MAG: variants seen among roughly 807,000 people sequenced by gnomAD.
The protein encoded by MAG is myelin-associated glycoprotein.
In MAG, 30 loss-of-function variants were observed where a neutral mutation model predicts 60.7. The observed-to-expected ratio is 0.49, with a 90% CI of 0.37 to 0.67. The LOEUF (loss-of-function observed/expected upper bound fraction) is 0.67, where lower values mean the gene tolerates loss of function less well. MAG is among the 30% of genes least tolerant of loss of function. MAG has a pLI of 0.00. For missense variants in MAG, 795 were observed against 851.7 expected, an observed-to-expected ratio of 0.93 and a Z score of 0.83; for synonymous variants, 384 against 376.8, an observed-to-expected ratio of 1.02 and a Z score of -0.22.
At chr19:35,309,832 G>T in intron 7 of MAG, 42 bp from the exon 8 acceptor site, 1 of 1,583,856 alleles carries the variant, frequency 6.3e-7, no homozygotes, top group Non-Finnish European at 8.6e-7. Flanking sequence ...CGGGCCTCGC[G>T]TTGGCTCCGG....
intron 7 of MAG, among the ~76,000 whole-genome samples, chr19:35,306,337 T>C (rs2066485607): frequency 6.6e-6 from 1 of 152,118 alleles, no homozygotes; most frequent in African/African-American, 2.4e-5. Flanking sequence ...ATATTTGTTG[T>C]GTGTTTTGCT....
At position 35,309,945 on chromosome 19, in the gene MAG, A is replaced by T; in HGVS notation, c.1303A>T (p.Lys435Ter). 1 of 1,613,972 alleles carries T rather than the reference A, an allele frequency of 6.2e-7. No homozygotes were observed. The highest frequency in any genetic ancestry group is 8.5e-7 in the Non-Finnish European group (1 of 1,179,942). ...CACGGTGCAGTGCCTGTGCGTGGTG[A>T]AGTCCAACCCGGAGCCGTCCGTGGC... ...RDTVQCLCVVKSNPEPSVAFE... is the reference protein window; with the variant it reads ...RDTVQCLCVV The change falls in exon 8 of 11, where the codon AAG becomes TAG. Residue 435 changes from lysine (K) to a stop codon, truncating the protein, a stop_gained. Coordinates refer to ENST00000392213, the MANE Select transcript of MAG (RefSeq NM_002361.4). LOFTEE classifies it high-confidence loss of function.
Position 35,293,042 on chromosome 19 carries a change from G to A in MAG, c.-80+838G>A, listed in dbSNP as rs1477766846. Among the ~76,000 whole-genome samples the A allele has an allele frequency of 1.3e-5, 2 of 152,086 alleles. No individual in the cohort carries two copies. Among genetic ancestry groups the A allele is most frequent in the African/African-American group, 2.4e-5 (1 of 41,404 alleles). Reference sequence around the variant, plus strand: ...CTGAGGTTGATTTGGCCCCCATCCCGAGAACTTGTTTTCCCCGCTGTTAAG... The same window carrying A: ...CTGAGGTTGATTTGGCCCCCATCCCAAGAACTTGTTTTCCCCGCTGTTAAG... On this transcript the variant is annotated intron_variant, in intron 1 of 10. Coordinates refer to ENST00000392213, the MANE Select transcript of MAG (RefSeq NM_002361.4). This position sits in a 1 kb window ranked among gnomAD's most constrained non-coding sequence, Gnocchi z 4.0.
chr19:35,307,956 A>G (rs1241796191), intron 7 of MAG, among the ~76,000 whole-genome samples: 1 of 151,998 alleles, frequency 6.6e-6, no homozygotes, highest in East Asian at 1.9e-4. Context: ...GCCAGAAAGG[A>G]GGGGATAGTC....
intron 7 of MAG, 58 bp from the exon 8 acceptor site, chr19:35,309,816 C>T (rs982961612): frequency 6.2e-5 from 97 of 1,566,384 alleles, no homozygotes; most frequent in Non-Finnish European, 8.0e-5. Context: ...AAGGAGTCTC[C>T]GGGGCCGGGC....
At chr19:35,312,149 G>C in intron 10 of MAG, 132 bp downstream of exon 10, 1 of 1,254,466 alleles carries the variant, frequency 8.0e-7, no homozygotes. Flanking sequence ...GGACATTCCA[G>C]GGCTGGGTTG....
At chr19:35,312,085 C>T in intron 10 of MAG, 68 bp downstream of exon 10, 4 of 1,473,008 alleles carry the variant, frequency 2.7e-6, no homozygotes, top group Non-Finnish European at 3.8e-6. Flanking sequence ...TGGGAAAGGC[C>T]TGTGAGGCCA....
chr19:35,296,422 C>T (rs2066398550), intron 4 of MAG, among the ~76,000 whole-genome samples: 1 of 152,202 alleles, frequency 6.6e-6, no homozygotes, highest in East Asian at 1.9e-4. Context: ...TGGCACGTGG[C>T]CCCCAGCTCT....
In MAG at chr19:35,302,716, C is replaced by T; in HGVS notation, c.1231+8C>T. On this transcript the variant is annotated splice_region_variant and intron_variant, in intron 7 of 10. Transcript: ENST00000392213. ...TCAACCTGTCTGTGGAGTGTGAGTACCTTCCGCTCCCCTATGCTGGGGATG... is the reference window on the plus strand; with the variant it reads ...TCAACCTGTCTGTGGAGTGTGAGTATCTTCCGCTCCCCTATGCTGGGGATG... 1 of 1,611,614 alleles carries T rather than the reference C, an allele frequency of 6.2e-7. No individual in the cohort carries two copies.
intron 7 of MAG, among the ~76,000 whole-genome samples, chr19:35,309,603 C>T (rs1318967228): frequency 1.3e-5 from 2 of 152,148 alleles, no homozygotes; most frequent in African/African-American, 4.8e-5. Flanking sequence ...TGAGCAACAA[C>T]CTAAACACCT....
intron 6 of MAG, among the ~76,000 whole-genome samples, chr19:35,301,429 C>CTTT (rs67343866): frequency 0.067 from 7,095 of 105,618 alleles, 571 homozygotes; most frequent in Non-Finnish European, 0.093. Context: ...CTCTTGAGTG[C>CTTT]TTTTTTTTTT....
chr19:35,307,798 C>A lies in MAG; in HGVS notation c.1232-2076C>A, dbSNP rs529869340. On this transcript the variant is annotated intron_variant, in intron 7 of 10. Transcript: ENST00000392213. The stretch of plus-strand genomic sequence containing the variant: ...CAGTGGCAGCAAAGCAAAGCTCAAC[C>A]AAGTGACTTTGGGTGGAGGGTGGTG... Among the ~76,000 whole-genome samples the A allele has an allele frequency of 5.3e-5, 8 of 152,278 alleles. No homozygotes were observed. The South Asian group carries it at 1.7e-3, about 32-fold the overall frequency.
At chr19:35,304,650 C>A (rs2066471358) in intron 7 of MAG, among the ~76,000 whole-genome samples, 1 of 152,166 alleles carries the variant, frequency 6.6e-6, no homozygotes, top group African/African-American at 2.4e-5. Flanking sequence ...AAGCGATTCT[C>A]CTGCCTCAGC....
chr19:35,305,593 T>A (rs2066477908), intron 7 of MAG, among the ~76,000 whole-genome samples: 1 of 151,950 alleles, frequency 6.6e-6, no homozygotes, highest in South Asian at 2.1e-4. Flanking sequence ...CTCAGGCGAG[T>A]GACTTCAGCT....
intron 4 of MAG, among the ~76,000 whole-genome samples, chr19:35,299,062 C>G (rs2066425984): frequency 6.6e-6 from 1 of 151,770 alleles, no homozygotes; most frequent in Non-Finnish European, 1.5e-5. Context: ...CACACACACA[C>G]ATACCTACAC....
At chr19:35,292,252 G>A (rs1477264278) in intron 1 of MAG, 48 bp downstream of exon 1, 9 of 456,028 alleles carry the variant, frequency 2.0e-5, no homozygotes, top group Non-Finnish European at 3.1e-5. Flanking sequence ...AGGGCACCGG[G>A]GCAGTGGCAC....
At chr19:35,304,378 T>C (rs2066469486) in intron 7 of MAG, among the ~76,000 whole-genome samples, 1 of 152,124 alleles carries the variant, frequency 6.6e-6, no homozygotes, top group Non-Finnish European at 1.5e-5. Context: ...ATGGGAGTAC[T>C]TGAACAAGCC....
Position 35,313,662 on chromosome 19 carries a change from C to G in MAG, c.*208C>G. 1 of 556,802 alleles carries G rather than the reference C, an allele frequency of 1.8e-6. No individual in the cohort carries two copies. Among genetic ancestry groups the G allele is most frequent in the Non-Finnish European group, 3.2e-6 (1 of 311,360 alleles). The allele number at this position is 556,802 out of a possible 1,614,324, so 34.5% of individuals were successfully genotyped here. A position where few individuals can be genotyped will look rare whatever the true frequency, so the allele number is the denominator to read the frequency against. ...CCCCCACGCCCTCATTACGGCTCCTCTCTAACCTCCTTTACCCTCATCTGT... is the reference window on the plus strand; with the variant it reads ...CCCCCACGCCCTCATTACGGCTCCTGTCTAACCTCCTTTACCCTCATCTGT... On this transcript the variant is annotated 3_prime_UTR_variant, in exon 11 of 11. Transcript: ENST00000392213.
In MAG at chr19:35,310,135, G is replaced by T. The variant is rs1392838145; in HGVS notation, c.1493G>T (p.Ser498Ile). 3 of 1,608,356 alleles carry T rather than the reference G, an allele frequency of 1.9e-6. No individual in the cohort carries two copies. Among genetic ancestry groups the T allele is most frequent in the Non-Finnish European group, 2.6e-6 (3 of 1,175,922 alleles). ...GCGAGGAACCTCTATGGCGCCAAGA[G>T]CCTGGAGCTGCCCTTCCAGGGAGCC... Reference protein sequence around the residue: ...CTARNLYGAKSLELPFQGAHR... With the variant: ...CTARNLYGAKILELPFQGAHR... Residue 498 changes from serine to isoleucine, a missense_variant, in exon 8 of 11, where the codon AGC (serine) becomes ATC (isoleucine). Physicochemically the swap from Ser to Ile is moderately radical, Grantham distance 142. Coordinates refer to ENST00000392213, the MANE Select transcript of MAG (RefSeq NM_002361.4).
Sources: gnomAD v4.1 joint callset for allele counts (sites outside exome capture counted in the v4.1 genomes callset) on GRCh38, gnomAD v4.1.1 for gene constraint, Gnocchi (gnomAD v3.1) non-coding constraint, MANE v1.5 for transcripts, NCBI Gene and HGNC (gene_info 2026-07-23, HGNC 2026-07-21) for gene names.